The following CEP63 variants were observed in gnomAD, a reference collection of about 807,000 sequenced individuals.
The protein encoded by CEP63 is centrosomal protein 63.
Under a neutral mutation model 89.1 loss-of-function variants are expected in CEP63, and 84 were observed. The ratio of observed to expected loss-of-function variants is 0.94; its 90% CI spans 0.79 to 1.13. CEP63 has a LOEUF of 1.13. Among genes scored for constraint, CEP63 ranks in the 50% most tolerant of loss-of-function variants. The pLI, the probability that CEP63 is intolerant of heterozygous loss-of-function variation, is 0.00. For missense variants in CEP63, 838 were observed against 813.3 expected (o/e 1.03, Z -0.37); for synonymous variants, 267 against 272.5 (o/e 0.98, Z 0.20).
At chr3:134,638,216 C>T in the CEP63 span, among the ~76,000 whole-genome samples, 2 of 152,188 alleles carry the variant, frequency 1.3e-5, no homozygotes, top group Non-Finnish European at 2.9e-5. Flanking sequence ...AAAGCATTCA[C>T]AATATAGCTT....
chr3:134,713,383 C>A, the CEP63 span, among the ~76,000 whole-genome samples: 1 of 149,080 alleles, frequency 6.7e-6, no homozygotes, highest in Non-Finnish European at 1.5e-5. Flanking sequence ...TCTGCTCAGA[C>A]AGGATTCCTT....
In CEP63 at chr3:134,495,144, T is replaced by C. The variant is rs1939351790; in HGVS notation, c.-25-152T>C. ...TAGTTTGTTCCTAGTATTCCTGAAG[T>C]GATGTTCTTTGACTGCTTCTACAGT... is the stretch of plus-strand genomic sequence containing the variant. On this transcript the variant is annotated intron_variant, in intron 1 of 14. Transcript: ENST00000675561. 1.2e-5 allele frequency: 8 copies of C among 642,872 alleles called. No individual in the cohort carries two copies. The South Asian group carries it at 1.2e-4, about 10-fold the overall frequency. The allele number at this position is 642,872 out of a possible 1,614,324, so 39.8% of individuals were successfully genotyped here.
chr3:134,682,120 C>T, the CEP63 span, among the ~76,000 whole-genome samples: 2 of 152,152 alleles, frequency 1.3e-5, no homozygotes, highest in Non-Finnish European at 2.9e-5. Context: ...TTGAGCAATG[C>T]CATGAACTGG....
intron 11 of CEP63, 107 bp downstream of exon 11, chr3:134,550,367 A>T: frequency 9.2e-7 from 1 of 1,092,354 alleles, no homozygotes; most frequent in Non-Finnish European, 1.4e-6. Context: ...TTTATTAGAT[A>T]CCTGCTTTGA....
chr3:134,567,156 A>AC, downstream of CEP63, among the ~76,000 whole-genome samples: 1 of 151,606 alleles, frequency 6.6e-6, no homozygotes, highest in East Asian at 1.9e-4. Flanking sequence ...AGAAAGCAAA[A>AC]AAAAAAAAAA....
the CEP63 span, among the ~76,000 whole-genome samples, chr3:134,713,969 G>A: frequency 6.6e-6 from 1 of 152,216 alleles, no homozygotes; most frequent in Admixed American, 6.5e-5. Context: ...TGGATCCGCT[G>A]TGTGCTGAGC....
chr3:134,519,741 A>T (rs1559926477), intron 3 of CEP63, among the ~76,000 whole-genome samples: 1 of 152,234 alleles, frequency 6.6e-6, no homozygotes, highest in African/African-American at 2.4e-5. Flanking sequence ...GAAATTACAT[A>T]CTAACTTAGG....
chr3:134,572,668 T>C (rs1277858691), intron 11 of CEP63, among the ~76,000 whole-genome samples: 1 of 152,210 alleles, frequency 6.6e-6, no homozygotes, highest in Non-Finnish European at 1.5e-5. Context: ...GATGGGCACC[T>C]GGGTTGATTC....
chr3:134,611,885 A>C, the CEP63 span, among the ~76,000 whole-genome samples: 1 of 152,258 alleles, frequency 6.6e-6, no homozygotes, highest in Non-Finnish European at 1.5e-5. Context: ...TCTTCCTTGT[A>C]AAAATGAACA....
the CEP63 span, among the ~76,000 whole-genome samples, chr3:134,652,852 G>A: frequency 6.6e-6 from 1 of 152,190 alleles, no homozygotes; most frequent in Admixed American, 6.5e-5. Context: ...CTGAAGTGCT[G>A]AAATCAACTA....
chr3:134,506,220 C>T (rs1220500848), intron 2 of CEP63, among the ~76,000 whole-genome samples: 2 of 152,184 alleles, frequency 1.3e-5, no homozygotes, highest in African/African-American at 2.4e-5. Flanking sequence ...TCTGGCATCT[C>T]CTGAAATGCC....
At chr3:134,500,523 C>T (rs918783723) in intron 2 of CEP63, among the ~76,000 whole-genome samples, 2 of 152,184 alleles carry the variant, frequency 1.3e-5, no homozygotes, top group African/African-American at 2.4e-5. Context: ...AATCTCCAAA[C>T]TGCTTTCCAC....
At chr3:134,505,096 A>G (rs898899457) in intron 2 of CEP63, among the ~76,000 whole-genome samples, 3 of 152,134 alleles carry the variant, frequency 2.0e-5, no homozygotes, top group African/African-American at 7.2e-5. Flanking sequence ...GAATTCTTTT[A>G]TAGGCATTTC....
rs1957367719 is a variant in CEP63, at chr3:134,561,729, T to G, written c.*194T>G. On this transcript the variant is annotated 3_prime_UTR_variant, in exon 15 of 15. Transcript: ENST00000675561. ...TGCACTGGTTTGTTTAAAGGACTTC[T>G]TCCAGCAATAAGTTGAAAGAATAAA... The G allele has an allele frequency of 7.1e-7, 1 of 1,403,076 alleles. No individual in the cohort carries two copies. Among genetic ancestry groups the G allele is most frequent in the Non-Finnish European group, 9.2e-7 (1 of 1,082,518 alleles). The allele number at this position is 1,403,076 out of a possible 1,614,324, so 86.9% of individuals were successfully genotyped here.
chr3:134,689,654 A>G, the CEP63 span, among the ~76,000 whole-genome samples: 3 of 151,974 alleles, frequency 2.0e-5, no homozygotes, highest in Admixed American at 6.6e-5. Context: ...GGGTTTTGCA[A>G]TGTTGGTTAG....
chr3:134,503,075 A>C (rs1942455403), intron 2 of CEP63, among the ~76,000 whole-genome samples: 1 of 144,644 alleles, frequency 6.9e-6, no homozygotes, highest in Non-Finnish European at 1.5e-5. Flanking sequence ...CTGTGGTCTG[A>C]GAAGATACTT....
downstream of CEP63, among the ~76,000 whole-genome samples, chr3:134,591,698 A>C (rs1181318596): frequency 6.8e-6 from 1 of 147,222 alleles, no homozygotes; most frequent in Non-Finnish European, 1.5e-5. Flanking sequence ...TCTACAAAAC[A>C]AACAAACAAA....
the CEP63 span, among the ~76,000 whole-genome samples, chr3:134,633,938 C>T: frequency 1.3e-5 from 2 of 152,096 alleles, no homozygotes; most frequent in Non-Finnish European, 1.5e-5. Context: ...ATACAAACAT[C>T]GATTGTATTT....
chr3:134,546,348 A>G, intron 8 of CEP63, 60 bp downstream of exon 8: 2 of 1,412,412 alleles, frequency 1.4e-6, no homozygotes, highest in Non-Finnish European at 2.0e-6. Context: ...ATTAAGCACT[A>G]GGCTTATTTT....
Sources: allele counts gnomAD v4.1 joint callset (sites outside exome capture counted in the v4.1 genomes callset), GRCh38; gene constraint gnomAD v4.1.1; transcripts MANE v1.5; gene names NCBI Gene and HGNC (gene_info 2026-07-23, HGNC 2026-07-21).